The following RPTOR variants were observed in gnomAD, a reference collection of about 807,000 sequenced individuals.
The protein encoded by RPTOR is regulatory-associated protein of mTOR.
In RPTOR, 21 loss-of-function variants were observed where a neutral mutation model predicts 169.9. The observed-to-expected ratio is 0.12, with a 90% CI of 0.09 to 0.18. The LOEUF (loss-of-function observed/expected upper bound fraction) is 0.18. RPTOR is among the 10% of genes least tolerant of loss of function. The probability of loss-of-function intolerance (pLI) is 1.00; values close to 1 mark genes in which losing one functional copy is unlikely to be tolerated. For missense variants in RPTOR, 1,133 were observed against 1,855.9 expected (o/e 0.61, Z 7.16); for synonymous variants, 732 against 753.2 (o/e 0.97, Z 0.46).
chr17:80,787,759 T>G (rs1434710471), intron 6 of RPTOR, among the ~76,000 whole-genome samples: 1 of 152,190 alleles, frequency 6.6e-6, no homozygotes, highest in Non-Finnish European at 1.5e-5. Flanking sequence ...TTCTCTCATA[T>G]CGCATGATGT....
intron 6 of RPTOR, among the ~76,000 whole-genome samples, chr17:80,755,384 T>A (rs2066670057): frequency 6.6e-6 from 1 of 151,886 alleles, no homozygotes; most frequent in Non-Finnish European, 1.5e-5. Context: ...GAGGATCCCT[T>A]GAGCGCGGGA....
At chr17:80,958,202 C>CG (rs1374162094) in intron 29 of RPTOR, among the ~76,000 whole-genome samples, 11 of 40,240 alleles carry the variant, frequency 2.7e-4, no homozygotes, top group Non-Finnish European at 5.7e-4. Flanking sequence ...ACCTCACCCC[C>CG]CCCCCCCACC....
At chr17:80,868,698 T>C (rs1288695386) in intron 13 of RPTOR, among the ~76,000 whole-genome samples, 1 of 152,226 alleles carries the variant, frequency 6.6e-6, no homozygotes, top group Non-Finnish European at 1.5e-5. Context: ...GCTTTATTTA[T>C]AATGGCCAAA....
intron 10 of RPTOR, among the ~76,000 whole-genome samples, 188 bp from the exon 11 acceptor site, chr17:80,846,285 G>A (rs958074527): frequency 5.3e-5 from 8 of 152,222 alleles, no homozygotes; most frequent in Admixed American, 3.3e-4. Context: ...TGGTCCCTTC[G>A]TGCACCCCGC....
chr17:80,962,829 G>T, intron 32 of RPTOR, 99 bp from the exon 33 acceptor site: 1 of 1,559,998 alleles, frequency 6.4e-7, no homozygotes, highest in South Asian at 1.2e-5. Context: ...GCCTGTCCCC[G>T]TGGTCTAGCC....
chr17:80,945,816 T>C (rs748833969), intron 26 of RPTOR, 35 bp downstream of exon 26: 1 of 1,325,838 alleles, frequency 7.5e-7, no homozygotes, highest in Admixed American at 2.3e-5. Flanking sequence ...CCCTTCCGGC[T>C]GACCGACAGC....
chr17:80,892,602 G>T (rs566876294), intron 18 of RPTOR, 127 bp from the exon 19 acceptor site: 314 of 1,054,648 alleles, frequency 3.0e-4, no homozygotes, highest in African/African-American at 2.4e-3. Flanking sequence ...TGCAGCCCCT[G>T]CTCTGACATT....
intron 7 of RPTOR, among the ~76,000 whole-genome samples, chr17:80,795,922 G>A (rs946835303): frequency 6.6e-6 from 1 of 152,174 alleles, no homozygotes; most frequent in African/African-American, 2.4e-5. Context: ...CTTGGATGGT[G>A]GCTGCTGTCA....
At chr17:80,676,958 A>C (rs2065865494) in intron 3 of RPTOR, among the ~76,000 whole-genome samples, 1 of 152,158 alleles carries the variant, frequency 6.6e-6, no homozygotes, top group Admixed American at 6.5e-5. Context: ...AATCAGTTTC[A>C]GGTAGATCCC....
chr17:80,667,442 C>T (rs574958962), intron 3 of RPTOR, among the ~76,000 whole-genome samples: 2 of 152,204 alleles, frequency 1.3e-5, no homozygotes, highest in East Asian at 1.9e-4. Flanking sequence ...AGGACTTGAT[C>T]GCCTTCCTTG....
At chr17:80,853,117 C>T (rs1205529399) in intron 11 of RPTOR, among the ~76,000 whole-genome samples, 9 of 152,256 alleles carry the variant, frequency 5.9e-5, no homozygotes, top group African/African-American at 1.2e-4. Flanking sequence ...GTCCCCAAAG[C>T]GAGCACACTG....
At chr17:80,896,549 GCC>G (rs2068407379) in intron 20 of RPTOR, among the ~76,000 whole-genome samples, 1 of 13,288 alleles carries the variant, frequency 7.5e-5, no homozygotes, top group Admixed American at 1.2e-3. Context: ...CCACGGCCGC[GCC>G]GACACCCCAC....
At chr17:80,637,201 T>C (rs2065514568) in intron 2 of RPTOR, among the ~76,000 whole-genome samples, 1 of 152,196 alleles carries the variant, frequency 6.6e-6, no homozygotes, top group Non-Finnish European at 1.5e-5. Context: ...ACAGCACTCC[T>C]TCCAGAGATG....
chr17:80,754,132 G>C lies in RPTOR; in HGVS notation c.777G>C (p.Pro259=), dbSNP rs138893220. 2 of 1,613,490 alleles carry C rather than the reference G, an allele frequency of 1.2e-6. No homozygotes were observed. Among genetic ancestry groups the C allele is most frequent in the East Asian group, 4.5e-5 (2 of 44,880 alleles). ...TELLPMIPDL[P]ADLFTSCLTT... The stretch of plus-strand genomic sequence containing the variant: ...TGCTGCCCATGATCCCCGACCTCCC[G>C]GCTGACCTATTCACCTCCTGCCTCA... Residue 259 remains proline (P), a synonymous_variant, in exon 6 of 34, where the codon CCG becomes CCC. Transcript: ENST00000306801. The surrounding 1 kb of genome is among the most constrained non-coding windows in gnomAD (Gnocchi z 4.2).
At chr17:80,794,040 A>G (rs141158757) in intron 7 of RPTOR, among the ~76,000 whole-genome samples, 2 of 152,342 alleles carry the variant, frequency 1.3e-5, no homozygotes, top group East Asian at 3.9e-4. Flanking sequence ...TAAAATGTGC[A>G]CAGCAACATG....
chr17:80,770,101 G>C (rs1178301212), intron 6 of RPTOR, among the ~76,000 whole-genome samples: 1 of 152,208 alleles, frequency 6.6e-6, no homozygotes, highest in African/African-American at 2.4e-5. Flanking sequence ...CGTCTGGTGA[G>C]GGCTGTTCTC....
intron 13 of RPTOR, among the ~76,000 whole-genome samples, chr17:80,874,205 CTT>C (rs34199351): frequency 3.5e-5 from 5 of 144,560 alleles, no homozygotes; most frequent in Admixed American, 6.9e-5. Context: ...AACTAAAGGG[CTT>C]TTTTTTTTTT....
intron 24 of RPTOR, among the ~76,000 whole-genome samples, chr17:80,933,897 A>G (rs565999973): frequency 6.6e-6 from 1 of 152,366 alleles, no homozygotes; most frequent in Admixed American, 6.5e-5. Flanking sequence ...TTGATAGCAA[A>G]GAGATAACCT....
At chr17:80,704,245 C>T (rs1039566716) in intron 3 of RPTOR, among the ~76,000 whole-genome samples, 2 of 152,202 alleles carry the variant, frequency 1.3e-5, no homozygotes, top group African/African-American at 4.8e-5. Context: ...TAGCCAAGGT[C>T]GTGACAGCTG....
Sources: allele counts gnomAD v4.1 joint callset (sites outside exome capture counted in the v4.1 genomes callset), GRCh38; gene constraint gnomAD v4.1.1; non-coding constraint Gnocchi (gnomAD v3.1); transcripts MANE v1.5; gene names NCBI Gene and HGNC (gene_info 2026-07-23, HGNC 2026-07-21).